Variants in EP300 observed in about 807,000 individuals in gnomAD.
The protein encoded by EP300 is histone acetyltransferase p300.
EP300 carries 31 observed loss-of-function variants against 264.0 expected under a neutral mutation model. The ratio of observed to expected loss-of-function variants is 0.12; its 90% CI spans 0.09 to 0.16. EP300 has a LOEUF of 0.16. Among genes scored for constraint, EP300 ranks in the 10% least tolerant of loss-of-function variants. The pLI is 1.00. For missense variants in EP300, 2,766 were observed against 3,052.9 expected (o/e 0.91, Z 2.21); for synonymous variants, 1,340 against 1,045.4 (o/e 1.28, Z -5.44).
intron 1 of EP300, among the ~76,000 whole-genome samples, chr22:41,102,147 G>C (rs566635931): frequency 1.3e-5 from 2 of 151,246 alleles, no homozygotes; most frequent in South Asian, 4.2e-4. Flanking sequence ...CAAGATGGCA[G>C]TTATTCTGTA....
chr22:41,165,010 T>A (rs1015350821), intron 22 of EP300, among the ~76,000 whole-genome samples: 7 of 152,182 alleles, frequency 4.6e-5, no homozygotes, highest in African/African-American at 7.2e-5. Context: ...TGTTCCTGAT[T>A]TGGAGGTTAC....
chr22:41,102,796 C>T (rs980656153), intron 1 of EP300, among the ~76,000 whole-genome samples: 2 of 152,112 alleles, frequency 1.3e-5, no homozygotes, highest in African/African-American at 4.8e-5. Flanking sequence ...GTAAGATGGA[C>T]AAATCAAGGA....
At chr22:41,107,367 T>TA (rs1170017455) in intron 1 of EP300, among the ~76,000 whole-genome samples, 1 of 152,100 alleles carries the variant, frequency 6.6e-6, no homozygotes. Context: ...TACTTCATTT[T>TA]ACCTAAAGTA....
intron 2 of EP300, among the ~76,000 whole-genome samples, chr22:41,125,427 GGT>G (rs2058876057): frequency 6.7e-6 from 1 of 149,180 alleles, no homozygotes; most frequent in African/African-American, 2.5e-5. Flanking sequence ...TGTTTTTTGG[GGT>G]TTTTTTTTTG....
intron 13 of EP300, 98 bp from the exon 14 acceptor site, chr22:41,149,663 T>TA: frequency 1.6e-6 from 2 of 1,250,968 alleles, no homozygotes; most frequent in South Asian, 2.5e-5. Context: ...ACTCTTTGTT[T>TA]AATCAGTTTG....
intron 6 of EP300, among the ~76,000 whole-genome samples, chr22:41,133,881 T>C (rs945650233): frequency 6.6e-6 from 1 of 152,252 alleles, no homozygotes; most frequent in African/African-American, 2.4e-5. Context: ...AACAACTGTT[T>C]TGTCAGAAAC....
In EP300 at chr22:41,092,722, A is replaced by AT. The variant is rs936483992; in HGVS notation, c.-281dup. 3.6e-5 allele frequency: 22 copies of AT among 611,102 alleles called. No homozygotes were observed. In the African/African-American group the frequency reaches 3.7e-4, roughly 10 times the overall value. The allele number at this position is 611,102 out of a possible 1,614,324, so 37.9% of individuals were successfully genotyped here. On this transcript the variant is annotated 5_prime_UTR_variant, in exon 1 of 31. Transcript: ENST00000263253. The stretch of plus-strand genomic sequence containing the variant: ...CCTCTAGAGCCGCGAGTTCTCGGGA[A>AT]TTCGCCGCAGCGGACGCGCTCGGCG...
rs903503580 is a variant in EP300, at chr22:41,178,139, C to T, written c.6428C>T (p.Ala2143Val). Residue 2143 changes from alanine (A) to valine (V), a missense_variant, in exon 31 of 31, where the codon GCT becomes GTT. Ala to Val is a moderately conservative substitution (Grantham distance 64, BLOSUM62 0). Coordinates refer to ENST00000263253, the MANE Select transcript of EP300 (RefSeq NM_001429.4). ...CCAATGCAGGCGGGCGTTCAGAGGG[C>T]TGGCCTGCCCCAGCAGCAACCACAG... ...MNPMQAGVQRAGLPQQQPQQQ... is the reference protein window; with the variant it reads ...MNPMQAGVQRVGLPQQQPQQQ... 3 of 1,614,178 alleles carry T rather than the reference C, an allele frequency of 1.9e-6. No homozygotes were observed. The highest frequency in any genetic ancestry group is 2.2e-5 in the South Asian group (2 of 91,086).
chr22:41,096,208 A>C (rs1447080072), intron 1 of EP300, among the ~76,000 whole-genome samples: 2 of 152,060 alleles, frequency 1.3e-5, no homozygotes, highest in African/African-American at 4.8e-5. Flanking sequence ...TTTTTGTAAA[A>C]ATGACCAAAA....
chr22:41,157,207 T>C lies in EP300; in HGVS notation c.3300T>C (p.Ser1100=), dbSNP rs779130926. The change falls in exon 18 of 31, where the codon TCT becomes TCC. Residue 1100 remains serine, a synonymous_variant. Transcript: ENST00000263253. The part of the protein sequence containing the change: ...FDIVKSPMDL[S]TIKRKLDTGQ... The stretch of plus-strand genomic sequence containing the variant: ...TTGTGAAGAGCCCCATGGATCTTTC[T>C]ACCATTAAGAGGAAGTTAGACACTG... 6.2e-7 allele frequency: 1 copy of C among 1,614,154 alleles called. No homozygotes were observed. Among genetic ancestry groups the C allele is most frequent in the South Asian group, 1.1e-5 (1 of 91,084 alleles).
intron 1 of EP300, among the ~76,000 whole-genome samples, chr22:41,112,153 G>A (rs761329554): frequency 1.3e-5 from 2 of 151,838 alleles, no homozygotes; most frequent in African/African-American, 4.8e-5. Flanking sequence ...CTCCCAAAGT[G>A]CTGGGATTAC....
At chr22:41,152,146 G>A (rs2059049673) in intron 15 of EP300, 60 bp from the exon 16 acceptor site, 1 of 1,594,532 alleles carries the variant, frequency 6.3e-7, no homozygotes, top group African/African-American at 1.3e-5. Context: ...AGGGTGTTCA[G>A]ATTACTGATT....
At chr22:41,151,590 A>G (rs961555890) in intron 14 of EP300, among the ~76,000 whole-genome samples, 14 of 152,250 alleles carry the variant, frequency 9.2e-5, no homozygotes, top group African/African-American at 2.7e-4. Context: ...ATAGTTATCA[A>G]TGAAATAGTT....
chr22:41,180,016 G>GTA lies in EP300; in HGVS notation c.*1063_*1064dup, dbSNP rs1348280439. The GTA allele has an allele frequency of 4.3e-6, 1 of 230,820 alleles. No individual in the cohort carries two copies. The highest frequency in any genetic ancestry group is 8.6e-6 in the Non-Finnish European group (1 of 116,422). 14.3% of individuals were successfully genotyped at this position (230,820 alleles called of 1,614,324 possible). On this transcript the variant is annotated 3_prime_UTR_variant, in exon 31 of 31. Coordinates refer to ENST00000263253, the MANE Select transcript of EP300 (RefSeq NM_001429.4). ...TTATAAATATGAACTTTGGATCACT[G>GTA]TATAGACTGTTAAATTTGATTTCTT...
At chr22:41,131,715 T>G in intron 6 of EP300, 82 bp downstream of exon 6, 5 of 1,590,856 alleles carry the variant, frequency 3.1e-6, no homozygotes, top group Non-Finnish European at 4.3e-6. Context: ...TAGCTCCTTT[T>G]TATTTTTTCT....
chr22:41,093,847 A>G (rs142242986), intron 1 of EP300, among the ~76,000 whole-genome samples: 3 of 152,318 alleles, frequency 2.0e-5, no homozygotes, highest in African/African-American at 4.8e-5. Context: ...AAGATAAACA[A>G]TTTTGTGGAG....
chr22:41,121,981 A>G (rs548630174), intron 2 of EP300, among the ~76,000 whole-genome samples: 2 of 152,288 alleles, frequency 1.3e-5, no homozygotes, highest in Non-Finnish European at 2.9e-5. Flanking sequence ...GGAGCCACAT[A>G]GGATAAATAC....
intron 2 of EP300, among the ~76,000 whole-genome samples, chr22:41,119,172 A>ATTTTTTTTTTTTTTTTTT (rs796885809): frequency 9.3e-6 from 1 of 107,274 alleles, no homozygotes; most frequent in African/African-American, 4.4e-5. Context: ...CTGGCTTATT[A>ATTTTTTTTTTTTTTTTTT]TTATTTTTTT....
At chr22:41,118,841 T>C (rs2145699064) in intron 2 of EP300, among the ~76,000 whole-genome samples, 1 of 151,602 alleles carries the variant, frequency 6.6e-6, no homozygotes, top group Admixed American at 6.6e-5. Flanking sequence ...AATGCAAGTG[T>C]GAATTGAAGA....
Sources: allele counts gnomAD v4.1 joint callset (sites outside exome capture counted in the v4.1 genomes callset), GRCh38; gene constraint gnomAD v4.1.1; transcripts MANE v1.5; gene names NCBI Gene and HGNC (gene_info 2026-07-23, HGNC 2026-07-21).